The following RNASEH2B variants were observed in gnomAD, a reference collection of about 807,000 sequenced individuals.
RNASEH2B encodes the protein Aicardi-Goutieres syndrome 2 protein.
In RNASEH2B, 36 loss-of-function variants were observed where a neutral mutation model predicts 45.0. That is an observed-to-expected ratio of 0.80 (90% CI 0.61 to 1.06). The LOEUF (loss-of-function observed/expected upper bound fraction) is 1.06, where lower values mean the gene tolerates loss of function less well. Ranked by LOEUF, RNASEH2B falls within the 50% of genes least tolerant of loss-of-function variation. RNASEH2B has a pLI of 0.00. For synonymous variants in RNASEH2B, 119 were observed against 125.7 expected (o/e 0.95, Z 0.35); for missense variants, 361 against 360.3 (o/e 1.00, Z -0.02).
intron 9 of RNASEH2B, among the ~76,000 whole-genome samples, chr13:50,969,402 A>G (rs956995223): frequency 4.0e-5 from 6 of 151,774 alleles, no homozygotes; most frequent in Non-Finnish European, 7.4e-5. Context: ...TGTTCAGTAC[A>G]TTCTTCACAG....
chr13:50,928,806 T>C (rs1951636408), intron 2 of RNASEH2B, among the ~76,000 whole-genome samples: 1 of 152,082 alleles, frequency 6.6e-6, no homozygotes. Flanking sequence ...ATGGTGGAGA[T>C]AGAGTTAAAG....
intron 9 of RNASEH2B, chr13:50,951,215 G>A (rs1163145059): frequency 6.6e-6 from 1 of 152,156 alleles, no homozygotes. Context: ...GGGTTCCAGT[G>A]TACACATGAC....
intron 1 of RNASEH2B, among the ~76,000 whole-genome samples, chr13:50,923,463 A>C (rs774700129): frequency 3.3e-5 from 5 of 152,202 alleles, no homozygotes; most frequent in South Asian, 2.1e-4. Flanking sequence ...AGGGATCCTC[A>C]ATAAAATTAA....
At position 50,909,979 on chromosome 13, in the gene RNASEH2B, G is replaced by T; in HGVS notation, c.-98G>T. 9.2e-7 allele frequency: 1 copy of T among 1,083,866 alleles called. No homozygotes were observed. The highest frequency in any genetic ancestry group is 1.3e-6 in the Non-Finnish European group (1 of 788,902). The allele number at this position is 1,083,866 out of a possible 1,614,324, so 67.1% of individuals were successfully genotyped here. On this transcript the variant is annotated 5_prime_UTR_variant, in exon 1 of 11. Transcript: ENST00000336617. ...CGCTGCCGGTCCCTCAGCGCGCCGC[G>T]CCACCCGGAACAGACCCTTCTCCCG...
chr13:50,967,774 G>A (rs1952180019), intron 9 of RNASEH2B, among the ~76,000 whole-genome samples: 1 of 152,160 alleles, frequency 6.6e-6, no homozygotes, highest in Admixed American at 6.5e-5. Context: ...TAGCTGCCTT[G>A]TATTACATAT....
chr13:50,924,453 A>C (rs532970140), intron 1 of RNASEH2B, among the ~76,000 whole-genome samples: 152 of 152,374 alleles, frequency 1.0e-3, no homozygotes, highest in Non-Finnish European at 1.7e-3. Context: ...ATAACAGTCT[A>C]TTGGGAAGAT....
At chr13:50,964,819 T>C (rs773087488) in intron 9 of RNASEH2B, among the ~76,000 whole-genome samples, 38 of 152,218 alleles carry the variant, frequency 2.5e-4, no homozygotes, top group Non-Finnish European at 3.7e-4. Context: ...ACTGGTGCCT[T>C]TGTATGACTG....
rs3042189 is a variant in RNASEH2B, at chr13:50,926,835, T to TAAA, written c.65-565_65-563dup. On this transcript the variant is annotated intron_variant, in intron 1 of 10. Coordinates refer to ENST00000336617, the MANE Select transcript of RNASEH2B (RefSeq NM_024570.4). ...TATATAAAGATACCTCACAAAGTAG[T>TAAA]AAAAAAAAAGCCAAATATCCCACTG... 6.0e-4 allele frequency among the ~76,000 whole-genome samples: 89 copies of TAAA among 148,936 alleles called. 1 individual carries two copies. The highest frequency in any genetic ancestry group is 6.8e-4 in the Non-Finnish European group (46 of 67,242).
In RNASEH2B at chr13:50,927,396, T is replaced by C. The variant is rs374358281; in HGVS notation, c.65-11T>C. 7.9e-5 allele frequency: 119 copies of C among 1,515,818 alleles called. No homozygotes were observed. The highest frequency in any genetic ancestry group is 1.1e-4 in the Non-Finnish European group (115 of 1,090,918). The allele number at this position is 1,515,818 out of a possible 1,614,324, so 93.9% of individuals were successfully genotyped here. ...GTGTTTTAATTTTAGATATTCACGGTTTATTTTCAGAATATTTAAAAGATG... is the reference window on the plus strand; with the variant it reads ...GTGTTTTAATTTTAGATATTCACGGCTTATTTTCAGAATATTTAAAAGATG... On this transcript the variant is annotated splice_polypyrimidine_tract_variant and intron_variant, in intron 1 of 10. Transcript: ENST00000336617.
intron 4 of RNASEH2B, chr13:50,934,591 A>T: frequency 2.4e-6 from 1 of 413,640 alleles, no homozygotes; most frequent in Non-Finnish European, 4.5e-6. Flanking sequence ...CATCTTTGCA[A>T]GCTTCTGTGG....
chr13:50,920,652 A>G (rs1951512733), intron 1 of RNASEH2B, among the ~76,000 whole-genome samples: 1 of 152,258 alleles, frequency 6.6e-6, no homozygotes, highest in Non-Finnish European at 1.5e-5. Context: ...AGTAAAAAAG[A>G]CAAAGTGTAT....
In RNASEH2B at chr13:50,943,327, C is replaced by T; in HGVS notation, c.443C>T (p.Pro148Leu). The change falls in exon 6 of 11, where the codon CCA becomes CTA. Residue 148 changes from proline to leucine, a missense_variant. Pro to Leu is a moderately conservative substitution (Grantham distance 98, BLOSUM62 -3). Transcript: ENST00000336617. Reference sequence around the variant, plus strand: ...GTCTTTTTTTTCTTTTAAGGTAATCCAGAAATAGACAACAAGAAATATTAC... The same window carrying T: ...GTCTTTTTTTTCTTTTAAGGTAATCTAGAAATAGACAACAAGAAATATTAC... ...LHHVTEEKGN[P>L]EIDNKKYYKY... is the part of the protein sequence containing the mutation. 1 of 1,581,428 alleles carries T rather than the reference C, an allele frequency of 6.3e-7. No homozygotes were observed. The highest frequency in any genetic ancestry group is 8.7e-7 in the Non-Finnish European group (1 of 1,153,486).
chr13:50,926,650 T>C (rs1384682885), intron 1 of RNASEH2B, among the ~76,000 whole-genome samples: 1 of 152,064 alleles, frequency 6.6e-6, no homozygotes, highest in Non-Finnish European at 1.5e-5. Flanking sequence ...TAAATGAAAA[T>C]ATAGGCAATT....
At chr13:50,914,246 T>C (rs1260883856) in intron 1 of RNASEH2B, among the ~76,000 whole-genome samples, 1 of 152,228 alleles carries the variant, frequency 6.6e-6, no homozygotes, top group Non-Finnish European at 1.5e-5. Flanking sequence ...TCATGGTTAA[T>C]CTCAGAAGAA....
At chr13:50,915,077 G>A (rs1879662528) in intron 1 of RNASEH2B, among the ~76,000 whole-genome samples, 1 of 152,176 alleles carries the variant, frequency 6.6e-6, no homozygotes, top group Non-Finnish European at 1.5e-5. Flanking sequence ...TCATGGGGTT[G>A]TTATCTGTGG....
Position 50,927,438 on chromosome 13 carries a change from A to G in RNASEH2B, c.96A>G (p.Lys32=), listed in dbSNP as rs775880092. The G allele has an allele frequency of 1.2e-6, 2 of 1,601,904 alleles. No individual in the cohort carries two copies. Among genetic ancestry groups the G allele is most frequent in the Admixed American group, 1.7e-5 (1 of 59,990 alleles). Residue 32 remains lysine, a synonymous_variant, in exon 2 of 11, where the codon AAA becomes AAG. Coordinates refer to ENST00000336617, the MANE Select transcript of RNASEH2B (RefSeq NM_024570.4). ...EYLKDASKKM[K]NGLMFVKLVN... ...TAAAAGATGCTTCAAAGAAGATGAA[A>G]AATGGGCTAATGTTTGTAAAACTGG...
Position 50,937,490 on chromosome 13 carries a change from G to A in RNASEH2B, c.436+2491G>A, listed in dbSNP as rs763534071. On this transcript the variant is annotated intron_variant, in intron 5 of 10. Transcript: ENST00000336617. Reference sequence around the variant, plus strand: ...GAACCTCCCGCCTCAGCCTCCTAAAGTGCCGAGATTATAGGTGTGAGTCAC... The same window carrying A: ...GAACCTCCCGCCTCAGCCTCCTAAAATGCCGAGATTATAGGTGTGAGTCAC... 2.0e-5 allele frequency: 3 copies of A among 152,152 alleles called. No homozygotes were observed. The South Asian group carries it at 6.2e-4, about 32-fold the overall frequency. 9.4% of individuals were successfully genotyped at this position (152,152 alleles called of 1,614,324 possible).
chr13:50,928,366 T>C (rs957315251), intron 2 of RNASEH2B: 1 of 152,222 alleles, frequency 6.6e-6, no homozygotes. Context: ...AGTGTTCTTT[T>C]CTTCAAAATG....
chr13:50,913,263 A>G (rs2137879784), intron 1 of RNASEH2B: 1 of 152,348 alleles, frequency 6.6e-6, no homozygotes, highest in South Asian at 2.1e-4. Context: ...ATAAGTTTCC[A>G]TCCCTCTTTT....
Sources: allele counts gnomAD v4.1 joint callset (sites outside exome capture counted in the v4.1 genomes callset), GRCh38; gene constraint gnomAD v4.1.1; transcripts MANE v1.5; gene names NCBI Gene and HGNC (gene_info 2026-07-23, HGNC 2026-07-21).